The following HSD17B2 variants were observed in gnomAD, a reference collection of about 807,000 sequenced individuals.
The protein encoded by HSD17B2 is hydroxysteroid 17-beta dehydrogenase 2.
In HSD17B2, 32 loss-of-function variants were observed where a neutral mutation model predicts 26.9. That is an observed-to-expected ratio of 1.19 (90% CI 0.90 to 1.60). HSD17B2 has a LOEUF of 1.60. Among genes scored for constraint, HSD17B2 ranks in the 40% most tolerant of loss-of-function variants. The pLI, the probability that HSD17B2 is intolerant of heterozygous loss-of-function variation, is 0.00. For synonymous variants in HSD17B2, 246 were observed against 186.7 expected (o/e 1.32, Z -2.59); for missense variants, 613 against 468.6 (o/e 1.31, Z -2.85).
chr16:82,046,165 G>A (rs8048090), intron 1 of HSD17B2, among the ~76,000 whole-genome samples: 9,791 of 152,224 alleles, frequency 0.064, 1,029 homozygotes, highest in African/African-American at 0.22. Context: ...TACTATGCAC[G>A]CTCGAGATAC....
At chr16:82,089,675 G>C (rs1597139394) in intron 3 of HSD17B2, among the ~76,000 whole-genome samples, 1 of 152,206 alleles carries the variant, frequency 6.6e-6, no homozygotes, top group Non-Finnish European at 1.5e-5. Context: ...CTCTGGGAAA[G>C]AATCTGTCCT....
chr16:82,061,587 G>A (rs999111732), intron 1 of HSD17B2, among the ~76,000 whole-genome samples: 2 of 152,156 alleles, frequency 1.3e-5, no homozygotes, highest in African/African-American at 4.8e-5. Context: ...TGGCTTTGAA[G>A]ACTATGTAGA....
chr16:82,090,409 CT>C (rs1228698573), intron 3 of HSD17B2, among the ~76,000 whole-genome samples: 41 of 146,080 alleles, frequency 2.8e-4, no homozygotes, highest in African/African-American at 1.0e-3. Flanking sequence ...CCTCTGCCCC[CT>C]GGGGTCCAAG....
At chr16:82,091,174 T>G in intron 4 of HSD17B2, 135 bp downstream of exon 4, 1 of 868,216 alleles carries the variant, frequency 1.2e-6, no homozygotes, top group Admixed American at 1.7e-5. Context: ...GTTAAAGGGG[T>G]GAAAACAGGT....
At chr16:82,059,180 A>T (rs1914361632) in intron 1 of HSD17B2, among the ~76,000 whole-genome samples, 1 of 152,208 alleles carries the variant, frequency 6.6e-6, no homozygotes, top group African/African-American at 2.4e-5. Context: ...AATAACATTC[A>T]CCAATATTGT....
intron 3 of HSD17B2, chr16:82,090,099 C>G (rs1159506491): frequency 3.1e-6 from 1 of 327,772 alleles, no homozygotes; most frequent in Non-Finnish European, 4.4e-6. Flanking sequence ...AGATGCCCCA[C>G]CATTTCCCAG....
chr16:82,090,788 C>T, intron 3 of HSD17B2, 114 bp from the exon 4 acceptor site: 1 of 1,032,476 alleles, frequency 9.7e-7, no homozygotes. Flanking sequence ...CTGCCTTTGT[C>T]TGCCCAAGTC....
rs569674366 is a variant in HSD17B2 at position 82,069,016 on chromosome 16, C to G, written c.478+634C>G. ...GGTTTGCTGCACAGATCCAGCCATC[C>G]TGTAAGTACTGAGCCCAGGATTCAT... On this transcript the variant is annotated intron_variant, in intron 2 of 4. Coordinates refer to ENST00000199936, the MANE Select transcript of HSD17B2 (RefSeq NM_002153.3). Among the ~76,000 whole-genome samples the G allele has an allele frequency of 3.5e-4, 54 of 152,282 alleles. No homozygotes were observed. In the South Asian group the frequency reaches 0.011, roughly 31 times the overall value.
Position 82,068,268 on chromosome 16 carries a change from G to A in HSD17B2, c.364G>A (p.Glu122Lys). 1 of 1,614,056 alleles carries A rather than the reference G, an allele frequency of 6.2e-7. No homozygotes were observed. The highest frequency in any genetic ancestry group is 1.1e-5 in the South Asian group (1 of 91,072). The change falls in exon 2 of 5, where the codon GAG becomes AAG. Residue 122 changes from glutamate to lysine, a missense_variant. Physicochemically the swap from Glu to Lys is moderately conservative, Grantham distance 56 (BLOSUM62 1). Coordinates refer to ENST00000199936, the MANE Select transcript of HSD17B2 (RefSeq NM_002153.3). Reference protein sequence around the residue: ...GVLNENGPGAEELRRTCSPRL... With the variant: ...GVLNENGPGAKELRRTCSPRL... The stretch of plus-strand genomic sequence containing the variant: ...TTTGAATGAAAATGGCCCAGGAGCT[G>A]AGGAATTGCGAAGAACCTGCTCTCC...
chr16:82,044,429 T>A (rs1440065867), intron 1 of HSD17B2: 1 of 152,172 alleles, frequency 6.6e-6, no homozygotes, highest in Non-Finnish European at 1.5e-5. Context: ...GGTCGAAAAG[T>A]CTCAGGCCTC....
chr16:82,070,135 GT>G (rs996729690), intron 2 of HSD17B2, among the ~76,000 whole-genome samples: 17 of 151,886 alleles, frequency 1.1e-4, no homozygotes, highest in Admixed American at 5.9e-4. Context: ...GTCAAATGTT[GT>G]TTTTTTTCCC....
chr16:82,070,761 A>C, intron 2 of HSD17B2, 181 bp from the exon 3 acceptor site: 1 of 596,230 alleles, frequency 1.7e-6, no homozygotes, highest in Non-Finnish European at 3.0e-6. Context: ...CTGTTACAGG[A>C]ATTCCCCTCC....
intron 1 of HSD17B2, among the ~76,000 whole-genome samples, chr16:82,051,275 G>A (rs1391935625): frequency 6.6e-6 from 1 of 152,220 alleles, no homozygotes; most frequent in African/African-American, 2.4e-5. Flanking sequence ...TTCTGTTGAA[G>A]AAATGCATGC....
intron 4 of HSD17B2, chr16:82,094,166 T>A (rs529532877): frequency 1.8e-4 from 28 of 152,288 alleles, no homozygotes; most frequent in Admixed American, 1.1e-3. Context: ...ATCCTGTGAT[T>A]AAGAATGCTT....
At chr16:82,092,869 T>G (rs1904734403) in intron 4 of HSD17B2, 2 of 152,158 alleles carry the variant, frequency 1.3e-5, no homozygotes, top group Admixed American at 1.3e-4. Flanking sequence ...AATTTGATTT[T>G]GAATCTGGCA....
At position 82,035,540 on chromosome 16, in the gene HSD17B2, T is replaced by G. The variant is rs774603239; in HGVS notation, c.116T>G (p.Val39Gly). 4.3e-6 allele frequency: 7 copies of G among 1,614,140 alleles called. No homozygotes were observed. In the South Asian group the frequency reaches 6.6e-5, roughly 15 times the overall value. ...KSSGQLWSWM[V>G]CLAGLCAVCL... ...TCAGGGCAGCTGTGGAGCTGGATGG[T>G]CTGCCTGGCAGGCCTCTGTGCAGTC... The change falls in exon 1 of 5, where the codon GTC becomes GGC. Residue 39 changes from valine to glycine, a missense_variant. Transcript: ENST00000199936.
intron 1 of HSD17B2, among the ~76,000 whole-genome samples, chr16:82,038,624 C>T (rs986008400): frequency 6.6e-6 from 1 of 152,194 alleles, no homozygotes; most frequent in Non-Finnish European, 1.5e-5. Flanking sequence ...TCAACCACAA[C>T]ATAGTGGGAA....
At chr16:82,083,974 C>T (rs1183923165) in intron 3 of HSD17B2, among the ~76,000 whole-genome samples, 1 of 152,152 alleles carries the variant, frequency 6.6e-6, no homozygotes, top group Non-Finnish European at 1.5e-5. Flanking sequence ...CTCTTTGAGG[C>T]CTAAAGTCGC....
intron 1 of HSD17B2, among the ~76,000 whole-genome samples, chr16:82,067,875 C>G (rs1914608488): frequency 6.6e-6 from 1 of 152,218 alleles, no homozygotes; most frequent in Non-Finnish European, 1.5e-5. Flanking sequence ...TTCCCAATTA[C>G]TTTGGCCACC....
Sources: allele counts gnomAD v4.1 joint callset (sites outside exome capture counted in the v4.1 genomes callset), GRCh38; gene constraint gnomAD v4.1.1; transcripts MANE v1.5; gene names NCBI Gene and HGNC (gene_info 2026-07-23, HGNC 2026-07-21).